Variants in METAP2 observed in about 807,000 individuals in gnomAD.
The protein encoded by METAP2 is methionyl aminopeptidase 2.
METAP2 carries 25 observed loss-of-function variants against 59.4 expected under a neutral mutation model. That is an observed-to-expected ratio of 0.42 (90% CI 0.31 to 0.59). The LOEUF is 0.59. Ranked by LOEUF, METAP2 falls within the 20% of genes least tolerant of loss-of-function variation. The pLI is 0.16. For synonymous variants in METAP2, 214 were observed against 194.1 expected, an observed-to-expected ratio of 1.10 and a Z score of -0.85; for missense variants, 366 against 581.2, an observed-to-expected ratio of 0.63 and a Z score of 3.81.
chr12:95,506,792 A>ATGCTTATT (rs2076363528), intron 8 of METAP2, among the ~76,000 whole-genome samples: 1 of 99,218 alleles, frequency 1.0e-5, no homozygotes, highest in East Asian at 3.9e-4. Flanking sequence ...GCAAAGCAGA[A>ATGCTTATT]TACTTATTTA....
intron 8 of METAP2, among the ~76,000 whole-genome samples, chr12:95,509,054 A>G (rs2076382609): frequency 6.6e-6 from 1 of 152,190 alleles, no homozygotes; most frequent in African/African-American, 2.4e-5. Flanking sequence ...ATCTCCTTTG[A>G]TCAGGAAGCA....
chr12:95,513,309 T>C (rs2076418202), intron 10 of METAP2, among the ~76,000 whole-genome samples: 1 of 152,220 alleles, frequency 6.6e-6, no homozygotes, highest in Non-Finnish European at 1.5e-5. Context: ...ATTTACATCT[T>C]TTATATGCAG....
chr12:95,506,792 ATACTTATTTATT>A (rs967213664), intron 8 of METAP2, among the ~76,000 whole-genome samples: 2 of 99,218 alleles, frequency 2.0e-5, no homozygotes, highest in African/African-American at 7.6e-5. Flanking sequence ...GCAAAGCAGA[ATACTTATTTATT>A]TATTTATTTA....
intron 4 of METAP2, among the ~76,000 whole-genome samples, chr12:95,487,048 CTCA>C (rs1481847539): frequency 6.6e-6 from 1 of 152,156 alleles, no homozygotes; most frequent in Non-Finnish European, 1.5e-5. Context: ...CTTTTATTTC[CTCA>C]TCCATAAAAT....
chr12:95,508,785 T>A (rs2076380561), intron 8 of METAP2, among the ~76,000 whole-genome samples: 2 of 152,214 alleles, frequency 1.3e-5, no homozygotes, highest in Non-Finnish European at 2.9e-5. Flanking sequence ...ACATCGGGAT[T>A]TTTAATATCT....
intron 7 of METAP2, among the ~76,000 whole-genome samples, chr12:95,498,897 C>T (rs968371352): frequency 1.3e-5 from 2 of 151,924 alleles, no homozygotes. Context: ...CCCTTGTGGT[C>T]CCAGCTACTC....
At chr12:95,501,634 G>A (rs1028422211) in intron 7 of METAP2, among the ~76,000 whole-genome samples, 1 of 151,776 alleles carries the variant, frequency 6.6e-6, no homozygotes, top group African/African-American at 2.4e-5. Flanking sequence ...AGAATGGCTT[G>A]TACCCAGGAG....
chr12:95,483,252 G>A lies in METAP2; in HGVS notation c.297G>A (p.Lys99=). Residue 99 remains lysine (K), a synonymous_variant, in exon 3 of 11, where the codon AAG becomes AAA. Transcript: ENST00000323666. The part of the protein sequence containing the change: ...DGDGDGATGK[K]KKKKKKKRGP... ...ATGGAGATGGAGCAACTGGAAAGAA[G>A]AAGAAAAAGAAGAAGAAGAAGAGAG... is the stretch of plus-strand genomic sequence containing the variant. 6.2e-7 allele frequency: 1 copy of A among 1,612,350 alleles called. No homozygotes were observed. The highest frequency in any genetic ancestry group is 1.1e-5 in the South Asian group (1 of 91,048).
intron 8 of METAP2, among the ~76,000 whole-genome samples, chr12:95,510,393 A>T (rs1176169897): frequency 6.6e-6 from 1 of 152,218 alleles, no homozygotes; most frequent in Non-Finnish European, 1.5e-5. Context: ...AGGGACTGGC[A>T]TCTGGTGAAG....
intron 9 of METAP2, 123 bp downstream of exon 9, chr12:95,512,121 C>A: frequency 1.5e-6 from 1 of 646,122 alleles, no homozygotes; most frequent in South Asian, 2.7e-5. Flanking sequence ...CATATTCACC[C>A]TGCCAGGAAT....
intron 7 of METAP2, among the ~76,000 whole-genome samples, chr12:95,501,922 G>C (rs1431750455): frequency 6.6e-6 from 1 of 151,112 alleles, no homozygotes; most frequent in South Asian, 2.1e-4. Context: ...TTGCAGGCCC[G>C]GTCTAGTAGT....
chr12:95,482,077 C>G (rs893684720), intron 2 of METAP2: 5 of 412,374 alleles, frequency 1.2e-5, no homozygotes, highest in Non-Finnish European at 2.4e-5. Flanking sequence ...ATCTAAAAAT[C>G]CATAATGAAT....
At chr12:95,484,378 A>G (rs146834951) in intron 3 of METAP2, among the ~76,000 whole-genome samples, 400 of 152,102 alleles carry the variant, frequency 2.6e-3, no homozygotes, top group African/African-American at 8.3e-3. Flanking sequence ...CATTCCAGGA[A>G]TCTTCCAGGG....
intron 8 of METAP2, among the ~76,000 whole-genome samples, chr12:95,509,902 A>G (rs954283928): frequency 1.1e-4 from 15 of 138,802 alleles, no homozygotes; most frequent in African/African-American, 3.3e-4. Flanking sequence ...ACAGTGGTGC[A>G]GTTTCATTTC....
Position 95,514,133 on chromosome 12 carries a change from A to G in METAP2, c.*229A>G. ...CTAACTGTTTTTCCCCTTCCTGTCTAGGAAAATGCTATAAAGCTCAAATTA... is the reference window on the plus strand; with the variant it reads ...CTAACTGTTTTTCCCCTTCCTGTCTGGGAAAATGCTATAAAGCTCAAATTA... On this transcript the variant is annotated 3_prime_UTR_variant, in exon 11 of 11. Transcript: ENST00000323666. 1.9e-6 allele frequency: 1 copy of G among 516,954 alleles called. No individual in the cohort carries two copies. The highest frequency in any genetic ancestry group is 3.7e-5 in the Admixed American group (1 of 26,838). The allele number at this position is 516,954 out of a possible 1,614,324, so 32.0% of individuals were successfully genotyped here. A position where few individuals can be genotyped will look rare whatever the true frequency, so the allele number is the denominator to read the frequency against.
chr12:95,496,950 G>A lies in METAP2; in HGVS notation c.867+852G>A, dbSNP rs12370740. On this transcript the variant is annotated intron_variant, in intron 7 of 10. Coordinates refer to ENST00000323666, the MANE Select transcript of METAP2 (RefSeq NM_006838.4). ...AGTGATACTCCTGCCTCAGCCTCCC[G>A]AGTTGCTGGGATTACAGGCACGCAC... Among the ~76,000 whole-genome samples, 863 of 147,826 alleles carry A rather than the reference G, an allele frequency of 5.8e-3. 1 individual carries two copies. Among genetic ancestry groups the A allele is most frequent in the Non-Finnish European group, 9.7e-3 (656 of 67,368 alleles).
At position 95,498,995 on chromosome 12, in the gene METAP2, A is replaced by G. The variant is rs953948955; in HGVS notation, c.867+2897A>G. Among the ~76,000 whole-genome samples, 14 of 150,068 alleles carry G rather than the reference A, an allele frequency of 9.3e-5. No individual in the cohort carries two copies. The East Asian group carries it at 1.6e-3, about 17-fold the overall frequency. On this transcript the variant is annotated intron_variant, in intron 7 of 10. Transcript: ENST00000323666. ...TACGCCACTGCGTTCCAGCCTGGGT[A>G]AAAAAGCAAGACCCTGTCCCAAAAA...
chr12:95,479,810 T>C (rs1235432358), intron 2 of METAP2, among the ~76,000 whole-genome samples: 2 of 152,120 alleles, frequency 1.3e-5, no homozygotes, highest in South Asian at 4.1e-4. Context: ...GGTTTCACCA[T>C]GTTGGCCAGG....
chr12:95,483,395 G>T, intron 3 of METAP2, 115 bp downstream of exon 3: 1 of 671,260 alleles, frequency 1.5e-6, no homozygotes. Flanking sequence ...AGAATTGCTG[G>T]AACCCAAGAG....
Sources: allele counts gnomAD v4.1 joint callset (sites outside exome capture counted in the v4.1 genomes callset), GRCh38; gene constraint gnomAD v4.1.1; transcripts MANE v1.5; gene names NCBI Gene and HGNC (gene_info 2026-07-23, HGNC 2026-07-21).